The following CDH12 variants were observed in gnomAD, a reference collection of about 807,000 sequenced individuals.
CDH12 encodes cadherin-12.
CDH12 carries 41 observed loss-of-function variants against 74.1 expected under a neutral mutation model. The ratio of observed to expected loss-of-function variants is 0.55; its 90% CI spans 0.43 to 0.72. CDH12 has a LOEUF of 0.72. Among genes scored for constraint, CDH12 ranks in the 30% least tolerant of loss-of-function variants. The pLI is 0.00. For missense variants in CDH12, 945 were observed against 977.2 expected, an observed-to-expected ratio of 0.97 and a Z score of 0.44; for synonymous variants, 399 against 355.0, an observed-to-expected ratio of 1.12 and a Z score of -1.39.
intron 4 of CDH12, among the ~76,000 whole-genome samples, chr5:22,158,734 T>C (rs555533680): frequency 2.6e-5 from 4 of 152,106 alleles, no homozygotes; most frequent in Non-Finnish European, 5.9e-5. Flanking sequence ...ACAATACATG[T>C]TTAAATAAAA....
At chr5:22,675,120 C>T (rs538211370) in intron 1 of CDH12, among the ~76,000 whole-genome samples, 11 of 152,048 alleles carry the variant, frequency 7.2e-5, no homozygotes, top group African/African-American at 2.4e-4. Flanking sequence ...ACAGAAGAGA[C>T]CTTTGAGGAA....
chr5:22,060,508 C>T (rs1468061183), intron 5 of CDH12, among the ~76,000 whole-genome samples: 1 of 151,954 alleles, frequency 6.6e-6, no homozygotes, highest in Non-Finnish European at 1.5e-5. Flanking sequence ...TAAATAAAAA[C>T]AATGAGAGAA....
chr5:22,344,414 A>G (rs908625178), intron 3 of CDH12, among the ~76,000 whole-genome samples: 10 of 152,214 alleles, frequency 6.6e-5, no homozygotes, highest in Non-Finnish European at 1.0e-4. Context: ...TAAAATAATA[A>G]CAATATGAAT....
chr5:22,299,146 A>T (rs1182556960), intron 3 of CDH12, among the ~76,000 whole-genome samples: 1 of 152,200 alleles, frequency 6.6e-6, no homozygotes, highest in East Asian at 1.9e-4. Flanking sequence ...GCATTTAGGA[A>T]AATAAAGAGG....
At chr5:22,459,465 G>A (rs1181066611) in intron 2 of CDH12, among the ~76,000 whole-genome samples, 1 of 152,082 alleles carries the variant, frequency 6.6e-6, no homozygotes, top group Admixed American at 6.5e-5. Context: ...CAAATTTACT[G>A]TGTGAGACAA....
intron 9 of CDH12, among the ~76,000 whole-genome samples, chr5:21,811,077 T>G (rs2149936550): frequency 6.6e-6 from 1 of 152,208 alleles, no homozygotes; most frequent in African/African-American, 2.4e-5. Flanking sequence ...TCATACGTTT[T>G]TAAGGAAAAA....
chr5:22,262,764 C>T (rs1753567817), intron 3 of CDH12, among the ~76,000 whole-genome samples: 1 of 152,016 alleles, frequency 6.6e-6, no homozygotes, highest in Admixed American at 6.6e-5. Flanking sequence ...TCTCCACGTC[C>T]TCTCCAGCAC....
At chr5:22,190,640 C>T (rs999580156) in intron 4 of CDH12, among the ~76,000 whole-genome samples, 17 of 152,202 alleles carry the variant, frequency 1.1e-4, no homozygotes, top group African/African-American at 4.1e-4. Context: ...CTTATCTCTA[C>T]TCTTTCCAAA....
At chr5:21,875,669 G>T (rs754649476) in intron 6 of CDH12, among the ~76,000 whole-genome samples, 59 of 8,912 alleles carry the variant, frequency 6.6e-3, no homozygotes, top group African/African-American at 0.022. Flanking sequence ...TTGTACTTCC[G>T]GAAGTACTGG....
At chr5:21,760,108 G>A (rs1354856773) in intron 13 of CDH12, among the ~76,000 whole-genome samples, 1 of 151,964 alleles carries the variant, frequency 6.6e-6, no homozygotes, top group African/African-American at 2.4e-5. Context: ...CATTTAGGTC[G>A]ATTCTGTCTT....
Position 22,624,809 on chromosome 5 carries a change from G to A in CDH12, c.-522-119445C>T, listed in dbSNP as rs541885334. Among the ~76,000 whole-genome samples, 125 of 152,182 alleles carry A rather than the reference G, an allele frequency of 8.2e-4. No individual in the cohort carries two copies. The South Asian group carries it at 0.025, about 30-fold the overall frequency. ...ATTTGACACAGCAATTCCATTACTG[G>A]GTATATACCCAAAGGATTATAAATC... On this transcript the variant is annotated intron_variant, in intron 1 of 14. Transcript: ENST00000382254.
At chr5:22,371,955 C>T (rs142007449) in intron 3 of CDH12, among the ~76,000 whole-genome samples, 3 of 152,046 alleles carry the variant, frequency 2.0e-5, no homozygotes, top group East Asian at 1.9e-4. Context: ...TTAAGTTAGG[C>T]CAAAACATGA....
chr5:22,590,265 A>T (rs1348522892), intron 1 of CDH12, among the ~76,000 whole-genome samples: 1 of 152,192 alleles, frequency 6.6e-6, no homozygotes, highest in Non-Finnish European at 1.5e-5. Flanking sequence ...GAATCTAAAG[A>T]TCATGAGCCT....
chr5:22,308,974 AAAGC>A (rs1303115472), intron 3 of CDH12, among the ~76,000 whole-genome samples: 3 of 120,826 alleles, frequency 2.5e-5, no homozygotes, highest in African/African-American at 8.4e-5. Flanking sequence ...AGAGAGAGAG[AAAGC>A]GAGAGAGAGA....
intron 6 of CDH12, among the ~76,000 whole-genome samples, chr5:21,972,011 C>G (rs1407878619): frequency 3.9e-5 from 6 of 152,106 alleles, no homozygotes; most frequent in Non-Finnish European, 7.4e-5. Flanking sequence ...CCTCTGAAAT[C>G]TTGACTCATC....
In CDH12 at chr5:21,816,944, C is replaced by A. The variant is rs746658599; in HGVS notation, c.1002+1G>T. 6.3e-7 allele frequency: 1 copy of A among 1,593,854 alleles called. No individual in the cohort carries two copies. Among genetic ancestry groups the A allele is most frequent in the Non-Finnish European group, 8.6e-7 (1 of 1,167,174 alleles). ...AACTGTCCCAACATTTGTCTATATA[C>A]CTTTTTCAATTTGATGACTCCCTCT... is the stretch of plus-strand genomic sequence containing the variant. On this transcript the variant is annotated splice_donor_variant, in intron 9 of 14. Transcript: ENST00000382254. LOFTEE classifies it high-confidence loss of function.
intron 1 of CDH12, among the ~76,000 whole-genome samples, chr5:22,636,902 T>C (rs1738870348): frequency 1.3e-5 from 2 of 152,192 alleles, no homozygotes; most frequent in Non-Finnish European, 2.9e-5. Flanking sequence ...AGAGGACAAG[T>C]TGTATACAGG....
At chr5:22,608,876 T>C (rs561109387) in intron 1 of CDH12, among the ~76,000 whole-genome samples, 46 of 152,288 alleles carry the variant, frequency 3.0e-4, no homozygotes, top group Non-Finnish European at 3.8e-4. Flanking sequence ...CACGTGGAAC[T>C]GTGAGTCAAT....
chr5:22,030,825 T>C (rs1400780241), intron 5 of CDH12, among the ~76,000 whole-genome samples: 9 of 152,218 alleles, frequency 5.9e-5, no homozygotes, highest in Non-Finnish European at 1.2e-4. Context: ...TTATCAACGA[T>C]ATTAGCAAGA....
Sources: gnomAD v4.1 joint callset for allele counts (sites outside exome capture counted in the v4.1 genomes callset) on GRCh38, gnomAD v4.1.1 for gene constraint, MANE v1.5 for transcripts, NCBI Gene and HGNC (gene_info 2026-07-23, HGNC 2026-07-21) for gene names.